DOCK9: variants seen among roughly 807,000 people sequenced by gnomAD.
DOCK9 encodes the protein dedicator of cytokinesis protein 9.
DOCK9 carries 89 observed loss-of-function variants against 263.3 expected under a neutral mutation model. The observed-to-expected ratio is 0.34, with a 90% confidence interval of 0.28 to 0.40. The LOEUF (loss-of-function observed/expected upper bound fraction) is 0.40, where lower values mean the gene tolerates loss of function less well. Among genes scored for constraint, DOCK9 ranks in the 10% least tolerant of loss-of-function variants. DOCK9 has a pLI of 1.00. For synonymous variants in DOCK9, 976 were observed against 973.1 expected (o/e 1.00, Z -0.06); for missense variants, 2,140 against 2,603.4 (o/e 0.82, Z 3.87).
At chr13:98,979,717 T>C (rs1876646026), upstream of DOCK9, among the ~76,000 whole-genome samples, 1 of 152,122 alleles carries the variant, frequency 6.6e-6, no homozygotes. Context: ...ATATTATCTA[T>C]AAATTTTAAA....
chr13:98,893,821 A>T (rs529782798), intron 15 of DOCK9, among the ~76,000 whole-genome samples: 1 of 152,230 alleles, frequency 6.6e-6, no homozygotes, highest in Non-Finnish European at 1.5e-5. Flanking sequence ...TGTGAAGAAT[A>T]CGGGGAGTGG....
intron 1 of DOCK9, among the ~76,000 whole-genome samples, chr13:98,990,356 T>C (rs1351252031): frequency 6.6e-6 from 1 of 152,256 alleles, no homozygotes; most frequent in Non-Finnish European, 1.5e-5. Flanking sequence ...TGTATTGATA[T>C]AACTTTCATG....
At chr13:98,922,203 C>A in intron 5 of DOCK9, 57 bp from the exon 6 acceptor site, 1 of 1,387,810 alleles carries the variant, frequency 7.2e-7, no homozygotes, top group Non-Finnish European at 1.0e-6. Flanking sequence ...GGGTTGCTTG[C>A]TGTGAGTTTG....
At chr13:99,086,103 G>A (rs911665393) in intron 1 of DOCK9, 5 of 1,309,412 alleles carry the variant, frequency 3.8e-6, no homozygotes, top group African/African-American at 3.2e-5. Flanking sequence ...TTGATTCCGC[G>A]GACCCAGCAG....
intron 35 of DOCK9, among the ~76,000 whole-genome samples, chr13:98,852,099 T>C (rs1366071520): frequency 6.6e-6 from 1 of 152,212 alleles, no homozygotes; most frequent in African/African-American, 2.4e-5. Flanking sequence ...TATTCAATAT[T>C]TGAAATTTAA....
At chr13:98,961,699 A>T (rs186703225) in intron 1 of DOCK9, among the ~76,000 whole-genome samples, 85 of 152,216 alleles carry the variant, frequency 5.6e-4, no homozygotes, top group African/African-American at 1.9e-3. Flanking sequence ...GAGTCTTGTT[A>T]TCTTTGCCAC....
At chr13:98,847,219 T>C (rs1459206330) in intron 37 of DOCK9, 1 of 154,252 alleles carries the variant, frequency 6.5e-6, no homozygotes, top group African/African-American at 2.4e-5. Flanking sequence ...AATGCCATCT[T>C]GTGACGTAGG....
At chr13:99,085,615 A>T (rs1322049849) in intron 1 of DOCK9, among the ~76,000 whole-genome samples, 4 of 152,146 alleles carry the variant, frequency 2.6e-5, no homozygotes, top group Non-Finnish European at 5.9e-5. Context: ...TAAATTAGCG[A>T]GGGTTCCCAT....
chr13:98,962,183 A>C (rs557136119), intron 1 of DOCK9, among the ~76,000 whole-genome samples: 16 of 152,348 alleles, frequency 1.1e-4, no homozygotes, highest in Non-Finnish European at 1.8e-4. Flanking sequence ...GAGGCAATAA[A>C]AGAATATGAA....
intron 2 of DOCK9, among the ~76,000 whole-genome samples, chr13:98,951,758 C>T (rs2057435527): frequency 6.6e-6 from 1 of 152,130 alleles, no homozygotes; most frequent in Non-Finnish European, 1.5e-5. Context: ...AACCATGAAG[C>T]CAAAGCACAG....
rs1566338352 is a variant in DOCK9 at position 99,038,290 on chromosome 13, T to TCGC, written c.129+47932_129+47933insGCG. ...TGAAAAACTGGCTTTATGCCCCCCTTTTTTTTTTTTTTTTTTTTTTTTTTT... is the reference window on the plus strand; with the variant it reads ...TGAAAAACTGGCTTTATGCCCCCCTTCGCTTTTTTTTTTTTTTTTTTTTTTTTT... On this transcript the variant is annotated intron_variant, in intron 1 of 32. Transcript: ENST00000427887. Among the ~76,000 whole-genome samples, 226 of 27,006 alleles carry TCGC rather than the reference T, an allele frequency of 8.4e-3. 10 individuals carry two copies. The highest frequency in any genetic ancestry group is 0.018 in the African/African-American group (143 of 7,818). 17.7% of individuals were successfully genotyped at this position (27,006 alleles called of 152,430 possible).
At chr13:98,906,354 G>T (rs116985817) in intron 9 of DOCK9, among the ~76,000 whole-genome samples, 309 of 152,290 alleles carry the variant, frequency 2.0e-3, no homozygotes, top group Middle Eastern at 6.8e-3. Context: ...ATGAGGGCTG[G>T]AGATGAAGGA....
chr13:98,930,130 G>A (rs749777472), intron 3 of DOCK9, 38 bp downstream of exon 3: 1 of 1,560,840 alleles, frequency 6.4e-7, no homozygotes, highest in South Asian at 1.2e-5. Context: ...AGGGGAAAAT[G>A]ACTTCAAAAT....
At chr13:99,069,798 G>A (rs2041590189) in intron 1 of DOCK9, among the ~76,000 whole-genome samples, 1 of 152,196 alleles carries the variant, frequency 6.6e-6, no homozygotes, top group Non-Finnish European at 1.5e-5. Flanking sequence ...TCGCTTAAAA[G>A]TTTTCAAGAA....
chr13:99,081,706 T>C (rs55831716), intron 1 of DOCK9, among the ~76,000 whole-genome samples: 2,353 of 152,300 alleles, frequency 0.015, 56 homozygotes, highest in African/African-American at 0.054. Flanking sequence ...CTGAAAGACC[T>C]GAGGTAAAAT....
At chr13:99,082,369 A>G (rs921954437) in intron 1 of DOCK9, among the ~76,000 whole-genome samples, 3 of 151,740 alleles carry the variant, frequency 2.0e-5, no homozygotes, top group African/African-American at 7.3e-5. Flanking sequence ...AATACAAAAA[A>G]TTAGCCGGGT....
chr13:99,048,241 G>T (rs992924259), intron 1 of DOCK9, among the ~76,000 whole-genome samples: 8 of 152,152 alleles, frequency 5.3e-5, no homozygotes, highest in Non-Finnish European at 7.4e-5. Context: ...CCAACAGCAG[G>T]ATTTTCACCA....
chr13:98,842,531 GAAC>G (rs1426238023), intron 38 of DOCK9, among the ~76,000 whole-genome samples: 2 of 152,192 alleles, frequency 1.3e-5, no homozygotes, highest in African/African-American at 2.4e-5. Context: ...TGTATTCCTA[GAAC>G]AACACGACAT....
chr13:98,795,798 G>A (rs1156787306), intron 52 of DOCK9, among the ~76,000 whole-genome samples: 1 of 150,770 alleles, frequency 6.6e-6, no homozygotes, highest in African/African-American at 2.4e-5. Context: ...TCGCTCTGTG[G>A]CCCAGGCTAG....
Sources: allele counts gnomAD v4.1 joint callset (sites outside exome capture counted in the v4.1 genomes callset), GRCh38; gene constraint gnomAD v4.1.1; transcripts MANE v1.5; gene names NCBI Gene and HGNC (gene_info 2026-07-23, HGNC 2026-07-21).